The following HLCS variants were observed in gnomAD, a reference collection of about 807,000 sequenced individuals.
The protein encoded by HLCS is holocarboxylase synthetase, also known as biotin--protein ligase.
HLCS carries 53 observed loss-of-function variants against 75.0 expected under a neutral mutation model. The observed-to-expected ratio is 0.71, with a 90% CI of 0.57 to 0.89. The LOEUF (loss-of-function observed/expected upper bound fraction) is 0.89, where lower values mean the gene tolerates loss of function less well. Among genes scored for constraint, HLCS ranks in the 40% least tolerant of loss-of-function variants. HLCS has a pLI of 0.00. For missense variants in HLCS, 966 were observed against 1,074.0 expected, an observed-to-expected ratio of 0.90 and a Z score of 1.41; for synonymous variants, 431 against 428.6, an observed-to-expected ratio of 1.01 and a Z score of -0.07.
chr21:36,882,680 C>G (rs1488247700), intron 6 of HLCS, among the ~76,000 whole-genome samples: 1 of 144,822 alleles, frequency 6.9e-6, no homozygotes, highest in Non-Finnish European at 1.5e-5. Context: ...CCAGGATGGC[C>G]TCGATCTCCT....
At chr21:36,959,827 A>G (rs2068182314) in intron 2 of HLCS, among the ~76,000 whole-genome samples, 2 of 152,182 alleles carry the variant, frequency 1.3e-5, no homozygotes, top group Admixed American at 6.5e-5. Flanking sequence ...ATGCAGGACA[A>G]TAACTCAGGA....
At chr21:36,890,950 G>A (rs2064757352) in intron 6 of HLCS, among the ~76,000 whole-genome samples, 1 of 152,178 alleles carries the variant, frequency 6.6e-6, no homozygotes, top group Admixed American at 6.5e-5. Context: ...ACATGCCTGA[G>A]GCAGAATTCT....
intron 6 of HLCS, among the ~76,000 whole-genome samples, chr21:36,808,379 C>G (rs769650056): frequency 6.6e-6 from 1 of 152,076 alleles, no homozygotes; most frequent in African/African-American, 2.4e-5. Flanking sequence ...TCCTCTGTTC[C>G]CCATTTCCTG....
At chr21:36,935,674 T>G (rs1460621698) in intron 4 of HLCS, among the ~76,000 whole-genome samples, 1 of 152,174 alleles carries the variant, frequency 6.6e-6, no homozygotes, top group Non-Finnish European at 1.5e-5. Flanking sequence ...GAAAACCTTT[T>G]CCCCTAAGGA....
At position 36,936,459 on chromosome 21, in the gene HLCS, ACAGCTTCTCC is replaced by A. The variant is rs780064923; in HGVS notation, c.1417_1426del (p.Gly473PhefsTer7). 1 of 1,613,826 alleles carries A rather than the reference ACAGCTTCTCC, an allele frequency of 6.2e-7. No individual in the cohort carries two copies. Among genetic ancestry groups the A allele is most frequent in the African/African-American group, 1.3e-5 (1 of 74,924 alleles). ...TGCTGCCCTGAGTACCTGGCAAAGAACAGCTTCTCCCCCGCGAGTTCCAAAAGGCACATGC... is the reference window on the plus strand; with the variant it reads ...TGCTGCCCTGAGTACCTGGCAAAGAACCCGCGAGTTCCAAAAGGCACATGC... On this transcript the variant is annotated frameshift_variant, in exon 4 of 11. Coordinates refer to ENST00000674895, the MANE Select transcript of HLCS (RefSeq NM_001352514.2). LOFTEE classifies it high-confidence loss of function.
At chr21:36,769,912 G>C (rs1568983407) in intron 6 of HLCS, among the ~76,000 whole-genome samples, 2 of 152,054 alleles carry the variant, frequency 1.3e-5, no homozygotes, top group Admixed American at 1.3e-4. Context: ...CATCCACTTC[G>C]GGGATCTGAA....
At chr21:36,758,992 A>G (rs2089719028) in intron 9 of HLCS, among the ~76,000 whole-genome samples, 1 of 152,038 alleles carries the variant, frequency 6.6e-6, no homozygotes, top group African/African-American at 2.4e-5. Context: ...TCAAAAAAAA[A>G]AAAAGATAGG....
At chr21:36,974,599 A>G (rs760721542) in intron 1 of HLCS, 7 of 152,232 alleles carry the variant, frequency 4.6e-5, no homozygotes, top group Non-Finnish European at 7.3e-5. Flanking sequence ...GTCACCACCT[A>G]ATCTGTTATG....
upstream of HLCS, among the ~76,000 whole-genome samples, chr21:36,971,100 G>T (rs1382862506): frequency 6.6e-6 from 1 of 151,834 alleles, no homozygotes; most frequent in Non-Finnish European, 1.5e-5. Context: ...CAAGCAAAAA[G>T]TAATTTTATT....
intron 1 of HLCS, among the ~76,000 whole-genome samples, chr21:36,962,837 G>A (rs980184001): frequency 4.1e-5 from 6 of 147,268 alleles, no homozygotes; most frequent in African/African-American, 1.5e-4. Context: ...CTAGAAGTAC[G>A]TACCCACCAA....
chr21:36,988,276 A>C (rs1203391064), intron 1 of HLCS, among the ~76,000 whole-genome samples: 4 of 151,986 alleles, frequency 2.6e-5, no homozygotes, highest in Non-Finnish European at 1.5e-5. Flanking sequence ...AAAAATAAGG[A>C]GATACTTGAA....
At chr21:36,979,285 AAAAG>A (rs1214968834) in intron 1 of HLCS, among the ~76,000 whole-genome samples, 11 of 125,080 alleles carry the variant, frequency 8.8e-5, no homozygotes, top group South Asian at 2.6e-4. Flanking sequence ...AAAAAAAAAA[AAAAG>A]AAAGAAAGAA....
chr21:36,800,206 G>A (rs975157970), intron 6 of HLCS, among the ~76,000 whole-genome samples: 1 of 152,154 alleles, frequency 6.6e-6, no homozygotes, highest in African/African-American at 2.4e-5. Context: ...TGAGGGATGA[G>A]GCACTACTTG....
At chr21:36,939,178 TCTAC>T (rs2067028176) in intron 2 of HLCS, among the ~76,000 whole-genome samples, 184 bp from the exon 3 acceptor site, 1 of 152,224 alleles carries the variant, frequency 6.6e-6, no homozygotes. Flanking sequence ...CATTCTCATC[TCTAC>T]CTGACAACAG....
intron 6 of HLCS, among the ~76,000 whole-genome samples, chr21:36,860,335 T>TCACCCCCCTCCAGGAAGC (rs2063341023): frequency 6.8e-6 from 1 of 147,768 alleles, no homozygotes; most frequent in South Asian, 2.2e-4. Flanking sequence ...CTCCAGGAAG[T>TCACCCCCCTCCAGGAAGC]CACACCCCTC....
At chr21:36,989,314 C>CTT (rs35073331) in intron 1 of HLCS, among the ~76,000 whole-genome samples, 1,012 of 79,986 alleles carry the variant, frequency 0.013, 38 homozygotes, top group African/African-American at 0.04. Context: ...TCTGGCCCAT[C>CTT]TTTTTTTTTT....
intron 6 of HLCS, among the ~76,000 whole-genome samples, chr21:36,888,446 A>T (rs2064596040): frequency 2.8e-5 from 2 of 70,452 alleles, no homozygotes; most frequent in Non-Finnish European, 4.9e-5. Context: ...AAAAAAAAAA[A>T]TATATATATA....
At chr21:36,792,393 G>A (rs745655068) in intron 6 of HLCS, among the ~76,000 whole-genome samples, 23 of 144,188 alleles carry the variant, frequency 1.6e-4, no homozygotes, top group Admixed American at 3.6e-4. Context: ...ACATTCAACC[G>A]TTTAGACCTG....
At chr21:36,838,328 A>ACCCC (rs56043769) in intron 6 of HLCS, among the ~76,000 whole-genome samples, 2 of 147,574 alleles carry the variant, frequency 1.4e-5, no homozygotes, top group African/African-American at 5.2e-5. Context: ...ACACACACAC[A>ACCCC]CCCCCACAAC....
Sources: gnomAD v4.1 joint callset for allele counts (sites outside exome capture counted in the v4.1 genomes callset) on GRCh38, gnomAD v4.1.1 for gene constraint, MANE v1.5 for transcripts, NCBI Gene and HGNC (gene_info 2026-07-23, HGNC 2026-07-21) for gene names.